Variants in PELI2 observed in about 807,000 individuals in gnomAD.
PELI2 encodes the protein E3 ubiquitin-protein ligase pellino homolog 2.
In PELI2, 23 loss-of-function variants were observed where a neutral mutation model predicts 42.3. That is an observed-to-expected ratio of 0.54 (90% CI 0.39 to 0.77). PELI2 has a LOEUF of 0.77. PELI2 is among the 30% of genes least tolerant of loss of function. The probability of loss-of-function intolerance (pLI) is 0.00; values close to 1 mark genes in which losing one functional copy is unlikely to be tolerated. For synonymous variants in PELI2, 245 were observed against 212.2 expected, an observed-to-expected ratio of 1.15 and a Z score of -1.34; for missense variants, 463 against 553.2, an observed-to-expected ratio of 0.84 and a Z score of 1.64.
At chr14:56,171,649 TG>T (rs903969391) in intron 1 of PELI2, among the ~76,000 whole-genome samples, 2 of 151,980 alleles carry the variant, frequency 1.3e-5, no homozygotes, top group African/African-American at 4.8e-5. Flanking sequence ...ATGGGCCAGA[TG>T]GGGGGTGTGA....
intron 1 of PELI2, among the ~76,000 whole-genome samples, chr14:56,133,922 A>C (rs1163884877): frequency 1.3e-5 from 2 of 152,200 alleles, no homozygotes; most frequent in Non-Finnish European, 2.9e-5. Flanking sequence ...ACATTCTTAT[A>C]AGGATGTCTT....
chr14:56,167,296 A>C (rs1296181578), intron 1 of PELI2, among the ~76,000 whole-genome samples: 1 of 152,146 alleles, frequency 6.6e-6, no homozygotes, highest in Non-Finnish European at 1.5e-5. Context: ...CTTTAAGACC[A>C]ATAATTCTTA....
chr14:56,261,498 A>G (rs988472859), intron 2 of PELI2, among the ~76,000 whole-genome samples: 15 of 152,286 alleles, frequency 9.8e-5, no homozygotes, highest in Admixed American at 2.0e-4. Context: ...TTCCAATCCT[A>G]TGGTCTCATA....
intron 2 of PELI2, among the ~76,000 whole-genome samples, chr14:56,223,861 G>A (rs958227518): frequency 6.6e-6 from 1 of 152,142 alleles, no homozygotes; most frequent in African/African-American, 2.4e-5. Flanking sequence ...TAAAATTCCA[G>A]AAGGAGATTA....
chr14:56,239,685 G>A (rs910344338), intron 2 of PELI2, among the ~76,000 whole-genome samples: 8 of 152,116 alleles, frequency 5.3e-5, no homozygotes, highest in African/African-American at 1.9e-4. Flanking sequence ...TCTGAGTTCA[G>A]TGCCCTATGG....
intron 1 of PELI2, among the ~76,000 whole-genome samples, chr14:56,133,628 A>T (rs149337152): frequency 3.5e-4 from 53 of 152,050 alleles, no homozygotes; most frequent in African/African-American, 1.2e-3. Context: ...CTTTTTCTTC[A>T]TCTTTTGTGC....
Position 56,255,749 on chromosome 14 carries a change from C to A in PELI2, c.208-23927C>A, listed in dbSNP as rs1282765761. On this transcript the variant is annotated intron_variant, in intron 2 of 5. Transcript: ENST00000267460. ...CACAGATTGGTGTGATCAGGTGTGT[C>A]ATTTACATAATGTGTGGGGAAGGCT... 2.0e-5 allele frequency among the ~76,000 whole-genome samples: 3 copies of A among 152,146 alleles called. 1 individual carries two copies. In the South Asian group the frequency reaches 6.2e-4, roughly 31 times the overall value.
At chr14:56,252,615 A>G (rs936091203) in intron 2 of PELI2, among the ~76,000 whole-genome samples, 2 of 152,190 alleles carry the variant, frequency 1.3e-5, no homozygotes, top group African/African-American at 4.8e-5. Context: ...TGAGAGGAAG[A>G]GGAGAACAGC....
intron 2 of PELI2, among the ~76,000 whole-genome samples, chr14:56,207,274 CA>C (rs909886511): frequency 1.3e-5 from 2 of 152,136 alleles, no homozygotes; most frequent in Admixed American, 1.3e-4. Flanking sequence ...GTCATCATAT[CA>C]AAATCAGAAC....
chr14:56,193,351 C>T (rs999673558), intron 2 of PELI2, among the ~76,000 whole-genome samples: 2 of 152,132 alleles, frequency 1.3e-5, no homozygotes, highest in Non-Finnish European at 2.9e-5. Flanking sequence ...GAATTTAACC[C>T]ATTATCTGAT....
intron 2 of PELI2, among the ~76,000 whole-genome samples, chr14:56,198,387 G>A (rs1464451622): frequency 6.6e-6 from 1 of 152,190 alleles, no homozygotes; most frequent in Middle Eastern, 3.2e-3. Context: ...GAGTGACCAG[G>A]AAATAGGGAG....
At chr14:56,225,773 A>G (rs372021088) in intron 2 of PELI2, among the ~76,000 whole-genome samples, 177 of 152,302 alleles carry the variant, frequency 1.2e-3, no homozygotes, top group Middle Eastern at 6.8e-3. Flanking sequence ...GAAGCCTCTG[A>G]CTAGGGGCAG....
rs773645376 is a variant in PELI2 at position 56,288,386 on chromosome 14, C to T, written c.310-51C>T. 4.7e-5 allele frequency: 65 copies of T among 1,378,548 alleles called. No individual in the cohort carries two copies. The East Asian group carries it at 9.7e-4, about 21-fold the overall frequency. 85.4% of individuals were successfully genotyped at this position (1,378,548 alleles called of 1,614,324 possible). ...ATGCTTTTTCCTTGTGAATAAAATACGGCACCCTGCTATTTTCCAAGTGAA... is the reference window on the plus strand; with the variant it reads ...ATGCTTTTTCCTTGTGAATAAAATATGGCACCCTGCTATTTTCCAAGTGAA... On this transcript the variant is annotated intron_variant, in intron 3 of 5. Transcript: ENST00000267460. This position sits in a 1 kb window ranked among gnomAD's most constrained non-coding sequence, Gnocchi z 4.6.
In PELI2 at chr14:56,273,498, T is replaced by G. The variant is rs904648222; in HGVS notation, c.208-6178T>G. On this transcript the variant is annotated intron_variant, in intron 2 of 5. Transcript: ENST00000267460. This position sits in a 1 kb window ranked among gnomAD's most constrained non-coding sequence, Gnocchi z 4.3. ...GGCTGCAAAAAAGCTGATTATAAAA[T>G]TCCTTTGAGGAATAAATCAGTTTTG... Among the ~76,000 whole-genome samples, 2 of 152,222 alleles carry G rather than the reference T, an allele frequency of 1.3e-5. No homozygotes were observed. Among genetic ancestry groups the G allele is most frequent in the African/African-American group, 4.8e-5 (2 of 41,468 alleles).
chr14:56,191,560 G>A (rs948333608), intron 2 of PELI2, among the ~76,000 whole-genome samples: 8 of 152,182 alleles, frequency 5.3e-5, no homozygotes, highest in African/African-American at 1.9e-4. Context: ...GTTCAGATCA[G>A]GTTGTCTGCA....
At position 56,297,692 on chromosome 14, in the gene PELI2, G is replaced by C. The variant is rs2139913952; in HGVS notation, c.*526G>C. On this transcript the variant is annotated 3_prime_UTR_variant, in exon 6 of 6. Transcript: ENST00000267460. ...TGGTGGACAGATGGCCTTAGGCACA[G>C]GTGGTTTTGAAATCTGGGGCTTTTT... The C allele has an allele frequency of 6.6e-6, 1 of 152,288 alleles. No individual in the cohort carries two copies. Among genetic ancestry groups the C allele is most frequent in the Admixed American group, 6.5e-5 (1 of 15,288 alleles). 9.4% of individuals were successfully genotyped at this position (152,288 alleles called of 1,614,324 possible).
intron 1 of PELI2, among the ~76,000 whole-genome samples, chr14:56,126,951 TAA>T (rs1276557193): frequency 6.6e-6 from 1 of 151,976 alleles, no homozygotes; most frequent in Admixed American, 6.5e-5. Flanking sequence ...ATAAATTCAT[TAA>T]GTTTTTATTG....
chr14:56,203,207 G>A (rs1241833805), intron 2 of PELI2, among the ~76,000 whole-genome samples: 2 of 152,084 alleles, frequency 1.3e-5, no homozygotes, highest in East Asian at 3.9e-4. Context: ...CATCACAGTG[G>A]CACATGCCAG....
chr14:56,291,635 T>C (rs1224901866), intron 5 of PELI2, among the ~76,000 whole-genome samples: 1 of 152,218 alleles, frequency 6.6e-6, no homozygotes, highest in Non-Finnish European at 1.5e-5. Context: ...TGGATAGTTT[T>C]ATACAAAACT....
Sources: allele counts gnomAD v4.1 joint callset (sites outside exome capture counted in the v4.1 genomes callset), GRCh38; gene constraint gnomAD v4.1.1; non-coding constraint Gnocchi (gnomAD v3.1); transcripts MANE v1.5; gene names NCBI Gene and HGNC (gene_info 2026-07-23, HGNC 2026-07-21).